The following ATRNL1 variants were observed in gnomAD, a reference collection of about 807,000 sequenced individuals.
The protein encoded by ATRNL1 is attractin like 1, also known as attractin-like protein 1.
ATRNL1 carries 95 observed loss-of-function variants against 182.7 expected under a neutral mutation model. The ratio of observed to expected loss-of-function variants is 0.52; its 90% CI spans 0.44 to 0.62. ATRNL1 has a LOEUF of 0.62. Among genes scored for constraint, ATRNL1 ranks in the 20% least tolerant of loss-of-function variants. The pLI is 0.00. For missense variants in ATRNL1, 1,471 were observed against 1,679.5 expected, an observed-to-expected ratio of 0.88 and a Z score of 2.17; for synonymous variants, 576 against 568.3, an observed-to-expected ratio of 1.01 and a Z score of -0.19.
intron 19 of ATRNL1, among the ~76,000 whole-genome samples, chr10:115,382,683 T>C (rs1858088117): frequency 6.7e-6 from 1 of 149,704 alleles, no homozygotes; most frequent in African/African-American, 2.5e-5. Flanking sequence ...CTTTTAATTC[T>C]GTTCTTTGCT....
chr10:115,641,185 A>G (rs1464671018), intron 26 of ATRNL1, among the ~76,000 whole-genome samples: 6 of 152,234 alleles, frequency 3.9e-5, no homozygotes, highest in Non-Finnish European at 8.8e-5. Context: ...CAGCAAAACA[A>G]TAATATAATT....
At chr10:115,765,454 A>G (rs1174243237) in intron 27 of ATRNL1, among the ~76,000 whole-genome samples, 3 of 152,160 alleles carry the variant, frequency 2.0e-5, no homozygotes, top group Admixed American at 2.0e-4. Context: ...CCATGTGTGT[A>G]TCATCTTTGG....
intron 26 of ATRNL1, among the ~76,000 whole-genome samples, chr10:115,700,449 G>A (rs1435957100): frequency 6.6e-6 from 1 of 152,104 alleles, no homozygotes; most frequent in African/African-American, 2.4e-5. Context: ...GATGGTGAGT[G>A]ATATGAAGCA....
intron 9 of ATRNL1, among the ~76,000 whole-genome samples, chr10:115,234,822 C>G (rs1218396878): frequency 1.3e-5 from 2 of 152,042 alleles, no homozygotes; most frequent in African/African-American, 4.8e-5. Context: ...CTCCTGAGGT[C>G]AAGCCATCCG....
intron 26 of ATRNL1, among the ~76,000 whole-genome samples, chr10:115,633,048 AC>A (rs782545220): frequency 6.6e-6 from 1 of 151,418 alleles, no homozygotes; most frequent in Non-Finnish European, 1.5e-5. Context: ...ATGCACTGCC[AC>A]ACCCGGGTAA....
chr10:115,902,366 A>C (rs1952380650), intron 28 of ATRNL1, among the ~76,000 whole-genome samples: 1 of 152,150 alleles, frequency 6.6e-6, no homozygotes, highest in Non-Finnish European at 1.5e-5. Flanking sequence ...TTAAAAAAAA[A>C]TGTTTTTTTA....
intron 26 of ATRNL1, among the ~76,000 whole-genome samples, chr10:115,565,042 G>T (rs1319369521): frequency 6.6e-6 from 1 of 151,836 alleles, no homozygotes; most frequent in African/African-American, 2.4e-5. Context: ...TATTTCTACA[G>T]TGGAGCATTT....
Position 115,519,978 on chromosome 10 carries a change from A to G in ATRNL1, c.3716+654A>G, listed in dbSNP as rs114800933. Among the ~76,000 whole-genome samples, 693 of 152,306 alleles carry G rather than the reference A, an allele frequency of 4.6e-3. 3 individuals carry two copies. The highest frequency in any genetic ancestry group is 0.016 in the African/African-American group (663 of 41,574). ...ACTCTGGGTTAGGAGTTTAAGTTAT[A>G]AAATATCTGTGTTATGAGATCGTAG... On this transcript the variant is annotated intron_variant, in intron 25 of 28. Transcript: ENST00000355044.
At chr10:115,884,206 A>G (rs1303337022) in intron 28 of ATRNL1, among the ~76,000 whole-genome samples, 1 of 152,142 alleles carries the variant, frequency 6.6e-6, no homozygotes, top group Admixed American at 6.5e-5. Context: ...CTGGCCCAAT[A>G]TTTCTTTTGG....
chr10:115,114,181 T>C (rs1844378698), intron 1 of ATRNL1, among the ~76,000 whole-genome samples: 1 of 152,116 alleles, frequency 6.6e-6, no homozygotes, highest in Admixed American at 6.5e-5. Flanking sequence ...TAAGTGATTC[T>C]AAAAAACTAG....
intron 26 of ATRNL1, among the ~76,000 whole-genome samples, chr10:115,608,173 T>C (rs1488883881): frequency 1.3e-5 from 2 of 151,992 alleles, no homozygotes; most frequent in African/African-American, 4.8e-5. Context: ...GTAATTTGTA[T>C]TGAAAGTTAC....
At chr10:115,187,242 C>T (rs1443997829) in intron 8 of ATRNL1, among the ~76,000 whole-genome samples, 8 of 151,830 alleles carry the variant, frequency 5.3e-5, no homozygotes, top group Non-Finnish European at 1.0e-4. Flanking sequence ...AGCTTACCCA[C>T]CCCTACCTTA....
intron 19 of ATRNL1, among the ~76,000 whole-genome samples, chr10:115,386,297 C>G (rs1858345724): frequency 6.6e-6 from 1 of 152,126 alleles, no homozygotes; most frequent in Non-Finnish European, 1.5e-5. Flanking sequence ...ATTTCACAAC[C>G]TGTTGCTAAT....
intron 10 of ATRNL1, among the ~76,000 whole-genome samples, chr10:115,262,185 T>TA (rs1851422118): frequency 6.6e-6 from 1 of 151,602 alleles, no homozygotes; most frequent in South Asian, 2.1e-4. Context: ...TTTTTTTTTT[T>TA]TTTGATAAAC....
intron 17 of ATRNL1, among the ~76,000 whole-genome samples, chr10:115,311,818 T>G (rs1225084394): frequency 6.6e-6 from 1 of 152,206 alleles, no homozygotes; most frequent in Non-Finnish European, 1.5e-5. Context: ...TAGATTGTAA[T>G]ATCTTCTTGT....
intron 27 of ATRNL1, among the ~76,000 whole-genome samples, chr10:115,763,350 A>G (rs2420111): frequency 0.47 from 71,599 of 152,024 alleles, 18,577 homozygotes; most frequent in East Asian, 0.76. Flanking sequence ...GTGACAGTAC[A>G]TACATAGAGA....
intron 20 of ATRNL1, among the ~76,000 whole-genome samples, chr10:115,402,062 G>A (rs1270272111): frequency 1.3e-5 from 2 of 152,012 alleles, no homozygotes; most frequent in Admixed American, 6.6e-5. Context: ...GATAGCTATT[G>A]GTGATGAGAT....
At chr10:115,876,274 T>C (rs1951698096) in intron 28 of ATRNL1, among the ~76,000 whole-genome samples, 2 of 152,166 alleles carry the variant, frequency 1.3e-5, no homozygotes, top group Middle Eastern at 3.2e-3. Flanking sequence ...TTCTGTACAA[T>C]GGGGCTAATA....
chr10:115,855,714 G>A (rs1442479074), intron 28 of ATRNL1, among the ~76,000 whole-genome samples: 1 of 152,152 alleles, frequency 6.6e-6, no homozygotes. Context: ...ATTCATGTAG[G>A]ATGGATCAAG....
Sources: allele counts gnomAD v4.1 joint callset (sites outside exome capture counted in the v4.1 genomes callset), GRCh38; gene constraint gnomAD v4.1.1; transcripts MANE v1.5; gene names NCBI Gene and HGNC (gene_info 2026-07-23, HGNC 2026-07-21).